Variants in RAB11FIP4 observed in about 807,000 individuals in gnomAD.
RAB11FIP4 encodes RAB11 family interacting protein 4, also known as rab11 family-interacting protein 4.
Under a neutral mutation model 74.3 loss-of-function variants are expected in RAB11FIP4, and 23 were observed. The ratio of observed to expected loss-of-function variants is 0.31; its 90% confidence interval spans 0.22 to 0.44. The LOEUF (loss-of-function observed/expected upper bound fraction) is 0.44. RAB11FIP4 is among the 20% of genes least tolerant of loss of function. The pLI is 1.00. For missense variants in RAB11FIP4, 630 were observed against 863.9 expected (o/e 0.73, Z 3.39); for synonymous variants, 360 against 359.9 (o/e 1.00, Z 0.00).
At chr17:31,516,300 T>G (rs970911034) in intron 3 of RAB11FIP4, among the ~76,000 whole-genome samples, 3 of 151,436 alleles carry the variant, frequency 2.0e-5, no homozygotes, top group African/African-American at 7.3e-5. Context: ...TCAGTGTGAC[T>G]GTGCCCTTAC....
chr17:31,529,111 T>TTC (rs1555551188), intron 13 of RAB11FIP4, among the ~76,000 whole-genome samples: 4,090 of 150,304 alleles, frequency 0.027, 87 homozygotes, highest in Non-Finnish European at 0.045. Context: ...TTTTTTTTTT[T>TTC]CCCAAGAGAC....
At position 31,534,761 on chromosome 17, in the gene RAB11FIP4, C is replaced by T. The variant is rs867427459; in HGVS notation, c.*3029C>T. On this transcript the variant is annotated 3_prime_UTR_variant, in exon 15 of 15. Coordinates refer to ENST00000621161, the MANE Select transcript of RAB11FIP4 (RefSeq NM_032932.6). ...TTTTTGCTAAACCTGGCAACCCTAC[C>T]GAGTAGGGATTAGCAGTAACTTATC... 8.5e-5 allele frequency: 13 copies of T among 153,272 alleles called. No homozygotes were observed. Among genetic ancestry groups the T allele is most frequent in the Middle Eastern group, 1.8e-3 (2 of 1,090 alleles). 9.5% of individuals were successfully genotyped at this position (153,272 alleles called of 1,614,324 possible).
At chr17:31,513,783 C>G (rs2072495732) in intron 3 of RAB11FIP4, among the ~76,000 whole-genome samples, 1 of 152,180 alleles carries the variant, frequency 6.6e-6, no homozygotes, top group South Asian at 2.1e-4. Flanking sequence ...AGAGAAAAAG[C>G]TGGAGAGAGT....
At chr17:31,417,188 G>A (rs1211495017) in intron 1 of RAB11FIP4, among the ~76,000 whole-genome samples, 1 of 152,034 alleles carries the variant, frequency 6.6e-6, no homozygotes, top group East Asian at 1.9e-4. Flanking sequence ...CGATGCCTCC[G>A]GTACCCCAGT....
intron 1 of RAB11FIP4, among the ~76,000 whole-genome samples, chr17:31,423,897 C>T (rs889558816): frequency 2.0e-5 from 3 of 152,032 alleles, no homozygotes; most frequent in East Asian, 1.9e-4. Context: ...TTCCCTTTCT[C>T]GGAGTTTTAG....
chr17:31,513,248 T>G (rs550946148), intron 3 of RAB11FIP4, among the ~76,000 whole-genome samples: 1 of 152,358 alleles, frequency 6.6e-6, no homozygotes, highest in Admixed American at 6.5e-5. Context: ...CCAGGCCATC[T>G]GGAAACCTTA....
chr17:31,508,537 C>A (rs556616630), intron 3 of RAB11FIP4, among the ~76,000 whole-genome samples: 54 of 152,330 alleles, frequency 3.5e-4, no homozygotes, highest in South Asian at 1.9e-3. Flanking sequence ...CAGGCCCCAC[C>A]GCCTTTGGGG....
At chr17:31,487,752 G>A (rs534274341) in intron 3 of RAB11FIP4, among the ~76,000 whole-genome samples, 23 of 152,204 alleles carry the variant, frequency 1.5e-4, no homozygotes, top group African/African-American at 5.5e-4. Context: ...CGCCTACCTG[G>A]CAGGGGCGCG....
Position 31,524,128 on chromosome 17 carries a change from C to T in RAB11FIP4, c.1133+132C>T, listed in dbSNP as rs1186850773. The T allele has an allele frequency of 4.5e-6, 3 of 672,398 alleles. No individual in the cohort carries two copies. In the East Asian group the frequency reaches 8.2e-5, roughly 18 times the overall value. 41.7% of individuals were successfully genotyped at this position (672,398 alleles called of 1,614,324 possible). On this transcript the variant is annotated intron_variant, in intron 9 of 14. Coordinates refer to ENST00000621161, the MANE Select transcript of RAB11FIP4 (RefSeq NM_032932.6). The stretch of plus-strand genomic sequence containing the variant: ...CTGAGGGTCTGTGACGCATCAGCCT[C>T]TTGTCACATGGCCCTGCCCACATGT...
intron 3 of RAB11FIP4, among the ~76,000 whole-genome samples, chr17:31,475,915 G>C (rs781680820): frequency 8.6e-5 from 13 of 151,732 alleles, no homozygotes; most frequent in Non-Finnish European, 1.5e-4. Flanking sequence ...CTGAGTGTTA[G>C]ATAAGCTTTG....
At chr17:31,397,644 G>T (rs1006875029) in intron 1 of RAB11FIP4, among the ~76,000 whole-genome samples, 2 of 152,162 alleles carry the variant, frequency 1.3e-5, no homozygotes, top group Non-Finnish European at 2.9e-5. Context: ...TATGCTTCTG[G>T]GAAACTGTGC....
chr17:31,394,931 C>T (rs796437730), intron 1 of RAB11FIP4, among the ~76,000 whole-genome samples: 115 of 300 alleles, frequency 0.38, 1 homozygote, highest in Middle Eastern at 0.5. Context: ...GGTGGGGTGG[C>T]GGGGGGCGGG....
At chr17:31,479,163 G>T (rs1004624754) in intron 3 of RAB11FIP4, among the ~76,000 whole-genome samples, 7 of 152,210 alleles carry the variant, frequency 4.6e-5, no homozygotes, top group Non-Finnish European at 7.3e-5. Context: ...GAAGTGGCTG[G>T]CACATAGTAC....
chr17:31,511,231 GTCT>G (rs1196496974), intron 3 of RAB11FIP4, among the ~76,000 whole-genome samples: 16 of 152,250 alleles, frequency 1.1e-4, no homozygotes, highest in Non-Finnish European at 2.1e-4. Context: ...TGGCCTGGCC[GTCT>G]ACTCCAGAGC....
intron 3 of RAB11FIP4, among the ~76,000 whole-genome samples, chr17:31,449,827 C>T (rs1399493996): frequency 1.3e-5 from 2 of 152,106 alleles, no homozygotes; most frequent in Non-Finnish European, 2.9e-5. Context: ...AATCTCAGAC[C>T]CCCAAAGTGC....
intron 8 of RAB11FIP4, 113 bp from the exon 9 acceptor site, chr17:31,523,780 G>A (rs747260609): frequency 6.3e-4 from 632 of 1,002,724 alleles, no homozygotes; most frequent in Non-Finnish European, 9.1e-4. Context: ...ACACATGACC[G>A]TTCTCAGATA....
Position 31,528,790 on chromosome 17 carries a change from A to G in RAB11FIP4, c.1653+12A>G, listed in dbSNP as rs757577928. ...AGCGGCTCAAGCAGGTGGGTCTAGCAGTCTCTGTGTCCAGTGGGGCAGGGT... is the reference window on the plus strand; with the variant it reads ...AGCGGCTCAAGCAGGTGGGTCTAGCGGTCTCTGTGTCCAGTGGGGCAGGGT... On this transcript the variant is annotated intron_variant, in intron 13 of 14. Transcript: ENST00000621161. 1.2e-6 allele frequency: 2 copies of G among 1,602,260 alleles called. No homozygotes were observed. The highest frequency in any genetic ancestry group is 1.7e-6 in the Non-Finnish European group (2 of 1,174,088).
chr17:31,445,530 TTTTATATATATATATATATATATA>T (rs1251790577), intron 3 of RAB11FIP4, among the ~76,000 whole-genome samples: 427 of 36,714 alleles, frequency 0.012, 26 homozygotes, highest in South Asian at 0.029. Flanking sequence ...ATTTTCCCAA[TTTTATATATATATATATATATATA>T]TATATATATA....
chr17:31,406,680 A>G (rs1050341041), intron 1 of RAB11FIP4, among the ~76,000 whole-genome samples: 1 of 152,206 alleles, frequency 6.6e-6, no homozygotes, highest in African/African-American at 2.4e-5. Context: ...CTTTCTGCAT[A>G]AACTGTCCTA....
Sources: allele counts gnomAD v4.1 joint callset (sites outside exome capture counted in the v4.1 genomes callset), GRCh38; gene constraint gnomAD v4.1.1; transcripts MANE v1.5; gene names NCBI Gene and HGNC (gene_info 2026-07-23, HGNC 2026-07-21).